The following CSMD1 variants were observed in gnomAD, a reference collection of about 807,000 sequenced individuals.
CSMD1 encodes the protein CUB and sushi domain-containing protein 1.
A neutral mutation model predicts 417.5 loss-of-function variants in CSMD1; 213 were observed. That is an observed-to-expected ratio of 0.51 (90% CI 0.46 to 0.57). CSMD1 has a LOEUF of 0.57. CSMD1 is among the 20% of genes least tolerant of loss of function. CSMD1 has a pLI of 0.00. For missense variants in CSMD1, 6,923 were observed against 4,529.7 expected, an observed-to-expected ratio of 1.53 and a Z score of -15.17; for synonymous variants, 2,862 against 1,736.8, an observed-to-expected ratio of 1.65 and a Z score of -16.11.
At chr8:4,822,342 G>A (rs1478005031) in intron 1 of CSMD1, among the ~76,000 whole-genome samples, 1 of 152,098 alleles carries the variant, frequency 6.6e-6, no homozygotes, top group East Asian at 1.9e-4. Flanking sequence ...CTAGGTTTAT[G>A]TTTAGAGAGG....
rs944360902 is a variant in CSMD1 at position 3,468,738 on chromosome 8, G to A, written c.1535C>T (p.Ser512Leu). 1 of 1,605,492 alleles carries A rather than the reference G, an allele frequency of 6.2e-7. No homozygotes were observed. Among genetic ancestry groups the A allele is most frequent in the Non-Finnish European group, 8.5e-7 (1 of 1,176,078 alleles). The change falls in exon 12 of 70, where the codon TCA becomes TTA. Residue 512 changes from serine to leucine, a missense_variant. Physicochemically the swap from Ser to Leu is moderately radical, Grantham distance 145 (BLOSUM62 -2). Transcript: ENST00000635120. ...LHLQSDDSIGSPGFKAVYQEI... is the reference protein window; with the variant it reads ...LHLQSDDSIGLPGFKAVYQEI... The stretch of plus-strand genomic sequence containing the variant: ...TTGGTAAACAGCTTTAAACCCAGGT[G>A]AGCCAATGCTATCATCCGACTGCAG...
At chr8:3,655,646 C>T (rs10216600) in intron 7 of CSMD1, among the ~76,000 whole-genome samples, 2,519 of 137,948 alleles carry the variant, frequency 0.018, 71 homozygotes, top group African/African-American at 0.059. Context: ...CAAGATGACT[C>T]AATGGAGGTT....
rs146943756 is a variant in CSMD1 at position 4,788,853 on chromosome 8, T to G, written c.86-151295A>C. Among the ~76,000 whole-genome samples, 182 of 152,318 alleles carry G rather than the reference T, an allele frequency of 1.2e-3. 1 individual carries two copies. The highest frequency in any genetic ancestry group is 4.3e-3 in the African/African-American group (180 of 41,580). On this transcript the variant is annotated intron_variant, in intron 1 of 69. Transcript: ENST00000635120. ...TTTTAAATTTATGACACAGAAACTC[T>G]CCCTGCTCCTTCCTGACTCCAGGGC...
intron 23 of CSMD1, among the ~76,000 whole-genome samples, chr8:3,331,794 A>G (rs1806915112): frequency 6.6e-6 from 1 of 152,216 alleles, no homozygotes; most frequent in Admixed American, 6.5e-5. Context: ...TGTGAATGAT[A>G]TATTGAATAG....
At chr8:4,551,840 G>C (rs994405983) in intron 2 of CSMD1, among the ~76,000 whole-genome samples, 5 of 149,620 alleles carry the variant, frequency 3.3e-5, no homozygotes, top group African/African-American at 1.2e-4. Flanking sequence ...CACTACACAT[G>C]GCTAATTTTT....
intron 7 of CSMD1, among the ~76,000 whole-genome samples, chr8:3,669,406 G>C (rs765611798): frequency 3.9e-5 from 6 of 152,072 alleles, no homozygotes; most frequent in Non-Finnish European, 5.9e-5. Flanking sequence ...GCCAGTCTAG[G>C]GGTTCGTGTT....
intron 6 of CSMD1, among the ~76,000 whole-genome samples, chr8:3,749,921 T>G (rs1399491623): frequency 6.6e-6 from 1 of 152,314 alleles, no homozygotes; most frequent in East Asian, 1.9e-4. Context: ...AGCTACTCAT[T>G]TCTGTTGGAC....
rs191306811 is a variant in CSMD1, at chr8:4,672,429, T to C, written c.86-34871A>G. Among the ~76,000 whole-genome samples the C allele has an allele frequency of 1.5e-3, 223 of 152,232 alleles. 1 individual carries two copies. Among genetic ancestry groups the C allele is most frequent in the Non-Finnish European group, 3.5e-4 (24 of 68,004 alleles). On this transcript the variant is annotated intron_variant, in intron 1 of 69. Transcript: ENST00000635120. ...AAGTATGGGCAGAAAATATTTGTAG[T>C]GTATGTAAAATAACCCATTTTCTCA... is the stretch of plus-strand genomic sequence containing the variant.
chr8:4,561,435 C>A (rs1392972946), intron 2 of CSMD1, among the ~76,000 whole-genome samples: 2 of 152,184 alleles, frequency 1.3e-5, no homozygotes, highest in East Asian at 3.9e-4. Flanking sequence ...GTAATCTCAG[C>A]ACTTTGGTAG....
At position 2,935,759 on chromosome 8, in the gene CSMD1, T is replaced by G. The variant is rs1348987698; in HGVS notation, c.*2826A>C. 1 of 152,206 alleles carries G rather than the reference T, an allele frequency of 6.6e-6. No homozygotes were observed. Among genetic ancestry groups the G allele is most frequent in the Non-Finnish European group, 1.5e-5 (1 of 68,032 alleles). 9.4% of individuals were successfully genotyped at this position (152,206 alleles called of 1,614,324 possible). On this transcript the variant is annotated 3_prime_UTR_variant, in exon 70 of 70. Transcript: ENST00000635120. ...GGTCGGCGATGACAATGGGTTTTCC[T>G]GATCATAATGCCAGCGTTCTTTTTT...
intron 1 of CSMD1, among the ~76,000 whole-genome samples, chr8:4,770,434 T>C (rs540948180): frequency 6.6e-6 from 1 of 150,550 alleles, no homozygotes; most frequent in Non-Finnish European, 1.5e-5. Context: ...AAAATCCCAA[T>C]AGCATTCTTC....
At chr8:3,033,861 A>G (rs745847490) in intron 50 of CSMD1, among the ~76,000 whole-genome samples, 1 of 152,230 alleles carries the variant, frequency 6.6e-6, no homozygotes, top group Non-Finnish European at 1.5e-5. Context: ...GTGAACTGCA[A>G]CCTCACTCAG....
chr8:3,287,837 A>G (rs946457251), intron 25 of CSMD1, among the ~76,000 whole-genome samples: 2 of 150,716 alleles, frequency 1.3e-5, no homozygotes, highest in Admixed American at 6.6e-5. Context: ...TTCCAACACT[A>G]TGTTGAATAG....
intron 2 of CSMD1, among the ~76,000 whole-genome samples, chr8:4,503,443 G>T (rs961424016): frequency 2.6e-5 from 4 of 152,062 alleles, no homozygotes; most frequent in Admixed American, 2.6e-4. Flanking sequence ...TTCGCAATAT[G>T]TTTCCAAATA....
chr8:4,354,220 T>C (rs150530331), intron 3 of CSMD1, among the ~76,000 whole-genome samples: 21 of 152,288 alleles, frequency 1.4e-4, no homozygotes, highest in African/African-American at 5.1e-4. Flanking sequence ...ACCCTGAGCC[T>C]TCCGATATTT....
At chr8:3,908,200 A>T (rs1489129018) in intron 5 of CSMD1, among the ~76,000 whole-genome samples, 1 of 152,200 alleles carries the variant, frequency 6.6e-6, no homozygotes, top group Non-Finnish European at 1.5e-5. Context: ...GATACTAAGC[A>T]CATAATAGTC....
At chr8:3,957,296 G>A (rs1343776383) in intron 5 of CSMD1, among the ~76,000 whole-genome samples, 1 of 152,202 alleles carries the variant, frequency 6.6e-6, no homozygotes, top group African/African-American at 2.4e-5. Context: ...TGTGCCCTCA[G>A]AAATATTTTT....
intron 22 of CSMD1, among the ~76,000 whole-genome samples, chr8:3,346,840 T>C (rs1196020588): frequency 6.6e-6 from 1 of 152,222 alleles, no homozygotes; most frequent in African/African-American, 2.4e-5. Context: ...TACGTAGATG[T>C]AAATTAATTG....
At chr8:4,191,827 A>T (rs1051185800) in intron 3 of CSMD1, among the ~76,000 whole-genome samples, 7 of 152,152 alleles carry the variant, frequency 4.6e-5, no homozygotes, top group African/African-American at 1.7e-4. Context: ...ATGATTTACA[A>T]TATGAGTCAG....
Sources: gnomAD v4.1 joint callset for allele counts (sites outside exome capture counted in the v4.1 genomes callset) on GRCh38, gnomAD v4.1.1 for gene constraint, MANE v1.5 for transcripts, NCBI Gene and HGNC (gene_info 2026-07-23, HGNC 2026-07-21) for gene names.